PRCP: variants seen among roughly 807,000 people sequenced by gnomAD.
PRCP encodes the protein prolylcarboxypeptidase, also known as lysosomal Pro-X carboxypeptidase.
PRCP carries 46 observed loss-of-function variants against 54.2 expected under a neutral mutation model. The observed-to-expected ratio is 0.85, with a 90% CI of 0.67 to 1.09. The LOEUF is 1.09. Among genes scored for constraint, PRCP ranks in the 50% least tolerant of loss-of-function variants. The probability of loss-of-function intolerance (pLI) is 0.00; values close to 1 mark genes in which losing one functional copy is unlikely to be tolerated. For synonymous variants in PRCP, 240 were observed against 212.2 expected (o/e 1.13, Z -1.14); for missense variants, 613 against 596.8 (o/e 1.03, Z -0.28).
chr11:82,834,474 G>A (rs1858467742), intron 8 of PRCP, among the ~76,000 whole-genome samples: 1 of 152,202 alleles, frequency 6.6e-6, no homozygotes, highest in South Asian at 2.1e-4. Context: ...TACAACGTAA[G>A]GAAATTAAAC....
chr11:82,853,167 G>T lies in PRCP; in HGVS notation c.411+10C>A. 6.4e-7 allele frequency: 1 copy of T among 1,563,576 alleles called. No homozygotes were observed. The highest frequency in any genetic ancestry group is 8.7e-7 in the Non-Finnish European group (1 of 1,147,092). ...AAAGCTTGTAACTTTTAAGTAAAAA[G>T]TATCTTTACCTTGAATGAGTTGTCA... On this transcript the variant is annotated intron_variant, in intron 3 of 8. Coordinates refer to ENST00000313010, the MANE Select transcript of PRCP (RefSeq NM_005040.4).
chr11:82,839,648 G>A, intron 6 of PRCP: 1 of 522,458 alleles, frequency 1.9e-6, no homozygotes. Flanking sequence ...CATTTGCATG[G>A]TATGCAAAGT....
intron 1 of PRCP, chr11:82,884,690 G>A (rs1320186776): frequency 2.9e-5 from 37 of 1,280,798 alleles, no homozygotes; most frequent in Non-Finnish European, 4.0e-5. Flanking sequence ...ATGTTCTGAT[G>A]TAGTGGAAAA....
chr11:82,884,918 T>C (rs186344562), intron 1 of PRCP: 7 of 1,610,456 alleles, frequency 4.3e-6, no homozygotes, highest in South Asian at 1.1e-5. Context: ...TTATTACTAA[T>C]ATATTTTGAA....
chr11:82,858,789 T>G (rs2121172829), intron 2 of PRCP: 1 of 152,316 alleles, frequency 6.6e-6, no homozygotes, highest in Middle Eastern at 3.4e-3. Context: ...AGGAGATTTC[T>G]CTTGTCTCCT....
intron 7 of PRCP, 53 bp from the exon 8 acceptor site, chr11:82,838,627 T>C: frequency 6.5e-7 from 1 of 1,532,120 alleles, no homozygotes; most frequent in East Asian, 2.3e-5. Context: ...CAAAAAGAGG[T>C]TAAATAAATT....
At position 82,889,475 on chromosome 11, in the gene PRCP, AAGG is replaced by A. The variant is rs1290297812; in HGVS notation, c.168+10757_168+10759del. ...AAGAAGAGGAAGAGGAAGCGAGAAG[AAGG>A]AGAAGGATGACAGCTCCTGGAGGAG... On this transcript the variant is annotated intron_variant, in intron 1 of 8. Coordinates refer to ENST00000313010, the MANE Select transcript of PRCP (RefSeq NM_005040.4). Among the ~76,000 whole-genome samples, 15 of 152,166 alleles carry A rather than the reference AAGG, an allele frequency of 9.9e-5. 1 individual carries two copies. The South Asian group carries it at 2.1e-3, about 21-fold the overall frequency.
intron 6 of PRCP, among the ~76,000 whole-genome samples, chr11:82,844,139 T>C (rs1315094606): frequency 1.3e-5 from 2 of 152,202 alleles, no homozygotes; most frequent in East Asian, 1.9e-4. Flanking sequence ...TTTTACTTTA[T>C]ACCAGATGCT....
chr11:82,884,721 A>T, intron 1 of PRCP: 1 of 1,530,186 alleles, frequency 6.5e-7, no homozygotes, highest in Non-Finnish European at 8.9e-7. Flanking sequence ...TTGCAGACAG[A>T]CCTGACTTTC....
upstream of PRCP, chr11:82,900,683 A>T (rs1860263309): frequency 1.7e-6 from 1 of 596,814 alleles, no homozygotes; most frequent in African/African-American, 1.9e-5. Flanking sequence ...GTCTGCCCTT[A>T]TCATGCTAGG....
At chr11:82,858,760 G>A (rs1463207900) in intron 2 of PRCP, 1 of 152,124 alleles carries the variant, frequency 6.6e-6, no homozygotes, top group East Asian at 1.9e-4. Context: ...CAGAATAACA[G>A]AACGGGAATC....
At chr11:82,833,981 T>C (rs1858455338) in intron 8 of PRCP, among the ~76,000 whole-genome samples, 2 of 152,112 alleles carry the variant, frequency 1.3e-5, no homozygotes, top group African/African-American at 4.8e-5. Flanking sequence ...ATGATGATGA[T>C]CATCATCATC....
At chr11:82,825,921 T>C (rs1426864314) in intron 8 of PRCP, 1 of 152,194 alleles carries the variant, frequency 6.6e-6, no homozygotes, top group African/African-American at 2.4e-5. Context: ...AAAAATCCAA[T>C]ACAACCACAG....
At chr11:82,884,266 A>G (rs761153338) in intron 1 of PRCP, among the ~76,000 whole-genome samples, 5 of 152,164 alleles carry the variant, frequency 3.3e-5, no homozygotes, top group Admixed American at 6.5e-5. Flanking sequence ...ACTTATCAAA[A>G]ATATCATTTG....
intron 1 of PRCP, among the ~76,000 whole-genome samples, chr11:82,882,927 T>A (rs1429360088): frequency 6.6e-6 from 1 of 150,794 alleles, no homozygotes; most frequent in African/African-American, 2.4e-5. Context: ...AGAACGATGA[T>A]ACTTCAAAAG....
chr11:82,883,486 A>G (rs1380993802), intron 1 of PRCP, among the ~76,000 whole-genome samples: 1 of 152,218 alleles, frequency 6.6e-6, no homozygotes, highest in African/African-American at 2.4e-5. Context: ...AATAAATAAT[A>G]AATATTAGAG....
chr11:82,847,800 C>T (rs890117857), intron 6 of PRCP, among the ~76,000 whole-genome samples: 1 of 152,032 alleles, frequency 6.6e-6, no homozygotes, highest in Admixed American at 6.6e-5. Flanking sequence ...CACTATGTTG[C>T]CCAGGTGGGT....
chr11:82,838,903 A>G (rs903766155), intron 7 of PRCP, among the ~76,000 whole-genome samples: 1 of 151,936 alleles, frequency 6.6e-6, no homozygotes, highest in Non-Finnish European at 1.5e-5. Flanking sequence ...GACAAATTAG[A>G]CTCCCTTTCT....
intron 1 of PRCP, among the ~76,000 whole-genome samples, chr11:82,861,260 G>T (rs1038200095): frequency 6.6e-6 from 1 of 152,158 alleles, no homozygotes; most frequent in East Asian, 1.9e-4. Context: ...AAGAAGAGCT[G>T]TGTTTAGTCA....
Sources: allele counts gnomAD v4.1 joint callset (sites outside exome capture counted in the v4.1 genomes callset), GRCh38; gene constraint gnomAD v4.1.1; transcripts MANE v1.5; gene names NCBI Gene and HGNC (gene_info 2026-07-23, HGNC 2026-07-21).